Variants in PUM1 observed in about 807,000 individuals in gnomAD.
PUM1 encodes the protein pumilio RNA binding family member 1.
A neutral mutation model predicts 131.8 loss-of-function variants in PUM1; 13 were observed. The observed-to-expected ratio is 0.10, with a 90% confidence interval of 0.06 to 0.16. The LOEUF is 0.16. Ranked by LOEUF, PUM1 falls within the 10% of genes least tolerant of loss-of-function variation. PUM1 has a pLI of 1.00. For missense variants in PUM1, 961 were observed against 1,512.4 expected, an observed-to-expected ratio of 0.64 and a Z score of 6.05; for synonymous variants, 509 against 556.5, an observed-to-expected ratio of 0.91 and a Z score of 1.20.
At chr1:30,947,175 C>A (rs545209956) in intron 17 of PUM1, among the ~76,000 whole-genome samples, 3 of 152,306 alleles carry the variant, frequency 2.0e-5, no homozygotes, top group African/African-American at 7.2e-5. Flanking sequence ...CAAACCCAAG[C>A]AATCTGGCTG....
Position 30,945,457 on chromosome 1 carries a change from G to T in PUM1, c.2883C>A (p.Gly961=). 1 of 1,614,096 alleles carries T rather than the reference G, an allele frequency of 6.2e-7. No homozygotes were observed. Among genetic ancestry groups the T allele is most frequent in the Non-Finnish European group, 8.5e-7 (1 of 1,180,020 alleles). ...VINEMVRELD[G]HVLKCVKDQN... ...GATCTTTCACACACTTCAAGACATG[G>T]CCATCTAGTTCCCGAACCATCTCAT... The change falls in exon 18 of 22, where the codon GGC becomes GGA. Residue 961 remains glycine (G), a synonymous_variant. Transcript: ENST00000426105.
intron 7 of PUM1, among the ~76,000 whole-genome samples, chr1:30,985,666 A>C (rs1408705000): frequency 6.6e-6 from 1 of 151,668 alleles, no homozygotes; most frequent in Non-Finnish European, 1.5e-5. Context: ...AAAAAAAAAA[A>C]AAAGAGTCAA....
At chr1:31,014,301 CAA>C (rs745510280) in intron 3 of PUM1, among the ~76,000 whole-genome samples, 21,753 of 75,388 alleles carry the variant, frequency 0.29, 1,787 homozygotes, top group Admixed American at 0.32. Flanking sequence ...ATCCAGTCTC[CAA>C]AAAAAAAAAA....
At chr1:30,961,863 A>C (rs1640422043) in intron 14 of PUM1, among the ~76,000 whole-genome samples, 2 of 152,226 alleles carry the variant, frequency 1.3e-5, no homozygotes, top group Admixed American at 1.3e-4. Flanking sequence ...CAACACAATG[A>C]ATATAAAATG....
intron 14 of PUM1, among the ~76,000 whole-genome samples, chr1:30,958,717 T>C (rs192288210): frequency 2.0e-5 from 3 of 152,304 alleles, no homozygotes; most frequent in African/African-American, 7.2e-5. Flanking sequence ...GTTTCAGTTA[T>C]AGGTGAGAGT....
intron 9 of PUM1, among the ~76,000 whole-genome samples, chr1:30,976,617 T>C (rs929612580): frequency 1.3e-5 from 2 of 152,246 alleles, no homozygotes; most frequent in Admixed American, 1.3e-4. Context: ...TTGACATTTC[T>C]AATTTGGTGT....
At chr1:31,010,985 G>C (rs569421532) in intron 3 of PUM1, among the ~76,000 whole-genome samples, 5 of 152,214 alleles carry the variant, frequency 3.3e-5, no homozygotes, top group African/African-American at 9.6e-5. Context: ...CGAGACTCTA[G>C]CTTTACAAAA....
chr1:30,999,963 G>T (rs1642144977), intron 5 of PUM1, among the ~76,000 whole-genome samples: 2 of 152,170 alleles, frequency 1.3e-5, no homozygotes, highest in African/African-American at 2.4e-5. Context: ...CAGGGGCATT[G>T]TCATTTGCAC....
rs200127280 is a variant in PUM1 at position 31,049,510 on chromosome 1, C to T, written c.363+9694G>A. Among the ~76,000 whole-genome samples, 236 of 146,578 alleles carry T rather than the reference C, an allele frequency of 1.6e-3. 1 individual carries two copies. The highest frequency in any genetic ancestry group is 3.8e-3 in the African/African-American group (154 of 40,108). On this transcript the variant is annotated intron_variant, in intron 2 of 21. Transcript: ENST00000426105. ...CAGCCTGGGCAACAGAGCAAGATTC[C>T]GTCTCAAAAAAAAAAAAAAATTAGC...
At chr1:30,959,053 C>A (rs1259894172) in intron 14 of PUM1, among the ~76,000 whole-genome samples, 1 of 152,084 alleles carries the variant, frequency 6.6e-6, no homozygotes, top group East Asian at 1.9e-4. Context: ...TAGAAGGTCA[C>A]AAATTATCAA....
chr1:30,936,284 G>A (rs1639206501), intron 21 of PUM1, among the ~76,000 whole-genome samples: 1 of 152,046 alleles, frequency 6.6e-6, no homozygotes, highest in Non-Finnish European at 1.5e-5. Context: ...CACCATGCTG[G>A]GCAGGCCTTT....
chr1:30,943,556 A>G (rs1442416984), intron 18 of PUM1, among the ~76,000 whole-genome samples: 1 of 152,132 alleles, frequency 6.6e-6, no homozygotes, highest in Non-Finnish European at 1.5e-5. Context: ...CCGGCCATGT[A>G]TATGACATTT....
At chr1:31,009,503 C>T (rs950775807) in intron 3 of PUM1, among the ~76,000 whole-genome samples, 6 of 152,054 alleles carry the variant, frequency 3.9e-5, no homozygotes, top group South Asian at 4.1e-4. Flanking sequence ...TGGTGGCTCA[C>T]GCCTGTAATC....
chr1:31,059,195 T>A lies in PUM1; in HGVS notation c.363+9A>T, dbSNP rs1644316958. On this transcript the variant is annotated intron_variant, in intron 2 of 21. Transcript: ENST00000426105. ...AATGTCAAAGCTAAAATAGTGAACT[T>A]TTTTTTACCTGATGTTCTGCATGAA... is the stretch of plus-strand genomic sequence containing the variant. 3 of 1,546,430 alleles carry A rather than the reference T, an allele frequency of 1.9e-6. No individual in the cohort carries two copies. The highest frequency in any genetic ancestry group is 2.6e-6 in the Non-Finnish European group (3 of 1,146,140).
At chr1:30,956,695 C>A (rs1453990587) in intron 14 of PUM1, among the ~76,000 whole-genome samples, 1 of 152,080 alleles carries the variant, frequency 6.6e-6, no homozygotes, top group Non-Finnish European at 1.5e-5. Flanking sequence ...AACAAACATA[C>A]CAAAGAAGAA....
intron 10 of PUM1, among the ~76,000 whole-genome samples, chr1:30,970,146 T>C (rs1364042691): frequency 6.6e-6 from 1 of 152,212 alleles, no homozygotes. Flanking sequence ...TATTGTCAAG[T>C]GTACAGTTCT....
intron 18 of PUM1, among the ~76,000 whole-genome samples, chr1:30,943,762 T>C (rs1025460542): frequency 1.3e-5 from 2 of 152,240 alleles, no homozygotes; most frequent in Non-Finnish European, 2.9e-5. Flanking sequence ...CAATGTCTAT[T>C]CCCACCAGCA....
chr1:31,004,691 C>T (rs1642337475), intron 5 of PUM1, among the ~76,000 whole-genome samples: 2 of 152,126 alleles, frequency 1.3e-5, no homozygotes, highest in African/African-American at 4.8e-5. Flanking sequence ...GTACTTGACA[C>T]TTGAGAAAGC....
chr1:30,992,628 T>G lies in PUM1; in HGVS notation c.920A>C (p.Asn307Thr). The G allele has an allele frequency of 1.2e-6, 2 of 1,614,060 alleles. No homozygotes were observed. The highest frequency in any genetic ancestry group is 1.7e-6 in the Non-Finnish European group (2 of 1,179,954). The part of the protein sequence containing the change: ...RTPGNCQNSA[N>T]EVDLLGPNQN... The stretch of plus-strand genomic sequence containing the variant: ...GTTTGGACCCAGAAGATCCACTTCA[T>G]TAGCAGAGTTCTGGCAATTACCAGG... Residue 307 changes from asparagine to threonine, a missense_variant, in exon 7 of 22, where the codon AAT (asparagine) becomes ACT (threonine). Asn to Thr is a moderately conservative substitution (Grantham distance 65). Coordinates refer to ENST00000426105, the MANE Select transcript of PUM1 (RefSeq NM_001020658.2).
Sources: gnomAD v4.1 joint callset for allele counts (sites outside exome capture counted in the v4.1 genomes callset) on GRCh38, gnomAD v4.1.1 for gene constraint, MANE v1.5 for transcripts, NCBI Gene and HGNC (gene_info 2026-07-23, HGNC 2026-07-21) for gene names.